The following SLC27A6 variants were observed in gnomAD, a reference collection of about 807,000 sequenced individuals.
SLC27A6 encodes the protein long-chain fatty acid transport protein 6.
SLC27A6 carries 74 observed loss-of-function variants against 63.9 expected under a neutral mutation model. The observed-to-expected ratio is 1.16, with a 90% CI of 0.96 to 1.40. The LOEUF (loss-of-function observed/expected upper bound fraction) is 1.40. Among genes scored for constraint, SLC27A6 ranks in the 40% most tolerant of loss-of-function variants. The probability of loss-of-function intolerance (pLI) is 0.00; values close to 1 mark genes in which losing one functional copy is unlikely to be tolerated. For missense variants in SLC27A6, 794 were observed against 732.9 expected (o/e 1.08, Z -0.96); for synonymous variants, 287 against 260.8 (o/e 1.10, Z -0.97).
intron 1 of SLC27A6, among the ~76,000 whole-genome samples, chr5:128,975,659 A>G (rs1181940780): frequency 1.3e-5 from 2 of 152,204 alleles, no homozygotes; most frequent in South Asian, 2.1e-4. Flanking sequence ...AAATATCATT[A>G]TCATTACTAT....
chr5:128,973,443 G>A (rs948449305), intron 1 of SLC27A6, among the ~76,000 whole-genome samples: 33 of 152,236 alleles, frequency 2.2e-4, no homozygotes, highest in African/African-American at 7.2e-4. Context: ...TCGATCTTCC[G>A]CACTGCTTTG....
intron 2 of SLC27A6, among the ~76,000 whole-genome samples, chr5:128,987,741 G>A (rs1226129414): frequency 6.6e-6 from 1 of 152,070 alleles, no homozygotes; most frequent in Non-Finnish European, 1.5e-5. Flanking sequence ...TTCTGTCCAG[G>A]AGGGCTGATC....
intron 7 of SLC27A6, 143 bp from the exon 8 acceptor site, chr5:129,028,202 A>G (rs1752306397): frequency 1.7e-6 from 1 of 583,702 alleles, no homozygotes; most frequent in Non-Finnish European, 3.0e-6. Flanking sequence ...GCTTTCTTAG[A>G]AATGCCTTTC....
intron 1 of SLC27A6, among the ~76,000 whole-genome samples, chr5:128,967,877 C>A (rs1284777804): frequency 6.6e-6 from 1 of 152,134 alleles, no homozygotes; most frequent in Non-Finnish European, 1.5e-5. Context: ...TCATCATTTA[C>A]ATTAGGTATT....
intron 2 of SLC27A6, among the ~76,000 whole-genome samples, chr5:128,987,242 G>A (rs1158165043): frequency 6.6e-6 from 1 of 151,960 alleles, no homozygotes; most frequent in African/African-American, 2.4e-5. Context: ...ATTCTTGTCT[G>A]AGGAATCTGA....
At chr5:128,992,291 A>T (rs1040233787) in intron 4 of SLC27A6, among the ~76,000 whole-genome samples, 11 of 151,932 alleles carry the variant, frequency 7.2e-5, no homozygotes, top group Non-Finnish European at 1.6e-4. Context: ...CTCTGCCATC[A>T]TCACATCTGC....
chr5:129,005,833 C>T (rs1355415798), intron 4 of SLC27A6, among the ~76,000 whole-genome samples: 5 of 151,414 alleles, frequency 3.3e-5, no homozygotes, highest in African/African-American at 4.9e-5. Flanking sequence ...AGGATGGTCT[C>T]GATCTCCTGA....
At chr5:128,998,791 T>G (rs1751241975) in intron 4 of SLC27A6, among the ~76,000 whole-genome samples, 1 of 152,172 alleles carries the variant, frequency 6.6e-6, no homozygotes, top group Non-Finnish European at 1.5e-5. Flanking sequence ...ACACATAAAG[T>G]GAAGGTCAGA....
chr5:129,023,637 C>A lies in SLC27A6; in HGVS notation c.1182C>A (p.Asp394Glu). ...NLFYKLLSTF[D>E]LIKYDFQKDE... is the part of the protein sequence containing the mutation. ...TTTTGCAGCTTCTTTCCACTTTTGA[C>A]TTAATAAAGTATGACTTTCAGAAAG... is the stretch of plus-strand genomic sequence containing the variant. Residue 394 changes from aspartate (D) to glutamate (E), a missense_variant, in exon 6 of 10, where the codon GAC (aspartate) becomes GAA (glutamate). By Grantham distance (45) the Asp-to-Glu change is conservative (BLOSUM62 2). Transcript: ENST00000262462. 1 of 1,602,910 alleles carries A rather than the reference C, an allele frequency of 6.2e-7. No individual in the cohort carries two copies. Among genetic ancestry groups the A allele is most frequent in the Non-Finnish European group, 8.5e-7 (1 of 1,174,860 alleles).
chr5:129,029,509 A>T (rs899394065), intron 8 of SLC27A6, 68 bp from the exon 9 acceptor site: 1 of 1,042,956 alleles, frequency 9.6e-7, no homozygotes, highest in African/African-American at 1.6e-5. Context: ...GCCAATTAGC[A>T]TGTACAGAAT....
intron 6 of SLC27A6, among the ~76,000 whole-genome samples, chr5:129,026,917 A>C (rs910102377): frequency 1.6e-4 from 24 of 152,198 alleles, no homozygotes; most frequent in Admixed American, 1.5e-3. Context: ...CCTTTTTATT[A>C]GTTTTTCCAA....
At chr5:128,981,283 C>T (rs1378385582) in intron 1 of SLC27A6, among the ~76,000 whole-genome samples, 2 of 151,982 alleles carry the variant, frequency 1.3e-5, no homozygotes, top group Admixed American at 1.3e-4. Flanking sequence ...AGCTCGAGAC[C>T]AGCCTGGCCA....
intron 4 of SLC27A6, among the ~76,000 whole-genome samples, chr5:129,008,322 T>C (rs1409764299): frequency 1.3e-5 from 2 of 152,230 alleles, no homozygotes; most frequent in Non-Finnish European, 2.9e-5. Context: ...TTAGAAAATG[T>C]GATTCTCTGT....
At position 129,029,600 on chromosome 5, in the gene SLC27A6, G is replaced by A; in HGVS notation, c.1576G>A (p.Ala526Thr). Residue 526 changes from alanine to threonine, a missense_variant, in exon 9 of 10, where the codon GCT becomes ACT. Transcript: ENST00000262462. ...AGGTTATGAAGGAAGAGCAGGAATG[G>A]CTTCTATTATTTTAAAACCAAATAC... ...ISGYEGRAGM[A>T]SIILKPNTSL... 1.3e-6 allele frequency: 2 copies of A among 1,583,610 alleles called. No individual in the cohort carries two copies. Among genetic ancestry groups the A allele is most frequent in the Admixed American group, 1.9e-5 (1 of 52,548 alleles).
intron 4 of SLC27A6, among the ~76,000 whole-genome samples, chr5:128,996,135 A>G (rs552764305): frequency 3.9e-5 from 6 of 152,318 alleles, no homozygotes; most frequent in Admixed American, 2.0e-4. Context: ...GACAGGACCT[A>G]ATTAACAAAG....
intron 1 of SLC27A6, among the ~76,000 whole-genome samples, chr5:128,980,644 G>A (rs1352833704): frequency 1.3e-5 from 2 of 152,164 alleles, no homozygotes; most frequent in Non-Finnish European, 2.9e-5. Context: ...TAGTAGGATG[G>A]TAACTATAAG....
Position 128,990,332 on chromosome 5 carries a change from T to G in SLC27A6, c.845-8T>G. On this transcript the variant is annotated splice_region_variant and splice_polypyrimidine_tract_variant and intron_variant, in intron 3 of 9. Transcript: ENST00000262462. ...TTCCCTAGTGCCTGTTTTTGTCTTT[T>G]CTTATAGGTGCCACTTGTGTGTTAA... is the stretch of plus-strand genomic sequence containing the variant. 1 of 1,607,662 alleles carries G rather than the reference T, an allele frequency of 6.2e-7. No homozygotes were observed. The highest frequency in any genetic ancestry group is 8.5e-7 in the Non-Finnish European group (1 of 1,178,548).
At chr5:128,979,962 A>G (rs1388127498) in intron 1 of SLC27A6, among the ~76,000 whole-genome samples, 1 of 152,200 alleles carries the variant, frequency 6.6e-6, no homozygotes, top group Non-Finnish European at 1.5e-5. Flanking sequence ...ATGAAGCTTC[A>G]ACTCACCCTG....
rs1336068663 is a variant in SLC27A6, at chr5:128,997,251, G to T, written c.969+6787G>T. 2.6e-4 allele frequency among the ~76,000 whole-genome samples: 39 copies of T among 151,976 alleles called. 1 individual carries two copies. Reference sequence around the variant, plus strand: ...TGTAGCTTTCAAAACAATTGATTTTGCCTGTAAGATCTAGTTAAAGACATT... The same window carrying T: ...TGTAGCTTTCAAAACAATTGATTTTTCCTGTAAGATCTAGTTAAAGACATT... On this transcript the variant is annotated intron_variant, in intron 4 of 9. Transcript: ENST00000262462.
Sources: gnomAD v4.1 joint callset for allele counts (sites outside exome capture counted in the v4.1 genomes callset) on GRCh38, gnomAD v4.1.1 for gene constraint, MANE v1.5 for transcripts, NCBI Gene and HGNC (gene_info 2026-07-23, HGNC 2026-07-21) for gene names.